The following GRM1 variants were observed in gnomAD, a reference collection of about 807,000 sequenced individuals.
GRM1 encodes the protein metabotropic glutamate receptor 1.
GRM1 carries 33 observed loss-of-function variants against 90.9 expected under a neutral mutation model. The observed-to-expected ratio is 0.36, with a 90% CI of 0.28 to 0.49. The LOEUF is 0.49. GRM1 is among the 20% of genes least tolerant of loss of function. GRM1 has a pLI of 0.99. For synonymous variants in GRM1, 700 were observed against 613.2 expected, an observed-to-expected ratio of 1.14 and a Z score of -2.09; for missense variants, 1,190 against 1,534.3, an observed-to-expected ratio of 0.78 and a Z score of 3.75.
intron 1 of GRM1, among the ~76,000 whole-genome samples, chr6:146,057,390 T>C (rs912442732): frequency 4.6e-5 from 7 of 152,152 alleles, no homozygotes; most frequent in African/African-American, 1.7e-4. Flanking sequence ...AGCACCTCTG[T>C]CTTCACTGAT....
At chr6:146,187,121 G>T (rs917567516) in intron 2 of GRM1, among the ~76,000 whole-genome samples, 1 of 152,088 alleles carries the variant, frequency 6.6e-6, no homozygotes, top group Non-Finnish European at 1.5e-5. Context: ...TTTTAATTTT[G>T]ATAAAAGATT....
At chr6:146,073,520 G>A (rs928000682) in intron 1 of GRM1, among the ~76,000 whole-genome samples, 2 of 151,938 alleles carry the variant, frequency 1.3e-5, no homozygotes, top group Non-Finnish European at 2.9e-5. Flanking sequence ...TATATAAGAA[G>A]ACCAAAGGAC....
chr6:146,133,174 A>C (rs1776474317), intron 1 of GRM1, among the ~76,000 whole-genome samples: 2 of 152,166 alleles, frequency 1.3e-5, no homozygotes, highest in Non-Finnish European at 2.9e-5. Context: ...CATTAATTTA[A>C]AGCTTTTGGA....
In GRM1 at chr6:146,029,779, A is replaced by G; in HGVS notation, c.262A>G (p.Lys88Glu). 2 of 1,614,048 alleles carry G rather than the reference A, an allele frequency of 1.2e-6. No individual in the cohort carries two copies. The highest frequency in any genetic ancestry group is 1.7e-6 in the Non-Finnish European group (2 of 1,179,968). ...RVEAMFHTLD[K>E]INADPVLLPN... ...GGAGGCCATGTTCCACACGTTGGAT[A>G]AGATCAACGCGGACCCGGTCCTCCT... The change falls in exon 1 of 8, where the codon AAG (lysine) becomes GAG (glutamate). Residue 88 changes from lysine to glutamate, a missense_variant. Transcript: ENST00000282753.
chr6:146,408,219 AC>A (rs1044754095), intron 7 of GRM1, among the ~76,000 whole-genome samples: 4 of 152,014 alleles, frequency 2.6e-5, no homozygotes, highest in African/African-American at 7.2e-5. Context: ...TGAGGGCACC[AC>A]CCTCCTGATC....
intron 2 of GRM1, among the ~76,000 whole-genome samples, chr6:146,282,287 C>T (rs934562763): frequency 6.6e-6 from 1 of 152,134 alleles, no homozygotes; most frequent in African/African-American, 2.4e-5. Flanking sequence ...TTGTATCACC[C>T]TTACAATTTA....
chr6:146,064,950 CTGTTT>C (rs1775798922), intron 1 of GRM1, among the ~76,000 whole-genome samples: 1 of 151,818 alleles, frequency 6.6e-6, no homozygotes, highest in Non-Finnish European at 1.5e-5. Context: ...AGTTTGCACA[CTGTTT>C]TACCTTATTG....
intron 2 of GRM1, among the ~76,000 whole-genome samples, chr6:146,280,830 G>A (rs1782540417): frequency 6.6e-6 from 1 of 151,820 alleles, no homozygotes; most frequent in African/African-American, 2.4e-5. Context: ...GTCGGACTAT[G>A]CTGCTGAGGC....
intron 5 of GRM1, among the ~76,000 whole-genome samples, chr6:146,379,043 C>T (rs1776217256): frequency 6.6e-6 from 1 of 152,138 alleles, no homozygotes; most frequent in African/African-American, 2.4e-5. Flanking sequence ...TACCTAGTCT[C>T]AGGTATGTCT....
At chr6:146,045,341 C>T (rs907621518) in intron 1 of GRM1, among the ~76,000 whole-genome samples, 2 of 151,958 alleles carry the variant, frequency 1.3e-5, no homozygotes, top group African/African-American at 4.8e-5. Context: ...TCAATGCCTT[C>T]TCCCGCTAGA....
At chr6:146,332,451 G>T (rs1562616216) in intron 3 of GRM1, among the ~76,000 whole-genome samples, 1 of 152,160 alleles carries the variant, frequency 6.6e-6, no homozygotes, top group Non-Finnish European at 1.5e-5. Context: ...CCTGTAGGTT[G>T]TCTACATCCC....
chr6:146,160,727 C>T (rs1245086912), intron 2 of GRM1, among the ~76,000 whole-genome samples: 2 of 152,204 alleles, frequency 1.3e-5, no homozygotes, highest in East Asian at 1.9e-4. Flanking sequence ...ACTTTGCCAT[C>T]ACCTGAAATT....
chr6:146,192,115 A>G (rs544092044), intron 2 of GRM1, among the ~76,000 whole-genome samples: 3 of 152,202 alleles, frequency 2.0e-5, no homozygotes, highest in African/African-American at 4.8e-5. Context: ...GTCTAAGACA[A>G]TTTCCAAATG....
At chr6:146,143,876 C>G (rs940215718) in intron 1 of GRM1, among the ~76,000 whole-genome samples, 4 of 152,142 alleles carry the variant, frequency 2.6e-5, no homozygotes, top group Non-Finnish European at 5.9e-5. Context: ...CTAGTACAAA[C>G]CCTGTATTTT....
chr6:146,390,184 A>G (rs1776666155), intron 6 of GRM1, among the ~76,000 whole-genome samples: 1 of 152,056 alleles, frequency 6.6e-6, no homozygotes, highest in Admixed American at 6.6e-5. Flanking sequence ...GTTAAAATAT[A>G]CTTAAAATCA....
At chr6:146,118,435 G>C (rs993424944) in intron 1 of GRM1, among the ~76,000 whole-genome samples, 1 of 151,910 alleles carries the variant, frequency 6.6e-6, no homozygotes, top group African/African-American at 2.4e-5. Context: ...CACTGTGCCC[G>C]GCCTATTTAT....
intron 1 of GRM1, among the ~76,000 whole-genome samples, chr6:146,031,916 A>C (rs1034420509): frequency 3.3e-5 from 5 of 152,172 alleles, no homozygotes; most frequent in Non-Finnish European, 5.9e-5. Context: ...CCATTGAGCT[A>C]GATAATTGAT....
chr6:146,219,783 G>A (rs1191197470), intron 2 of GRM1, among the ~76,000 whole-genome samples: 2 of 152,094 alleles, frequency 1.3e-5, no homozygotes, highest in Non-Finnish European at 2.9e-5. Context: ...TTAATGGTAG[G>A]ACAGGGGCTT....
At chr6:146,375,544 T>C (rs1776064812) in intron 5 of GRM1, among the ~76,000 whole-genome samples, 2 of 152,078 alleles carry the variant, frequency 1.3e-5, no homozygotes, top group African/African-American at 4.8e-5. Flanking sequence ...TCTATAGCTC[T>C]AATAATATTT....
Sources: gnomAD v4.1 joint callset for allele counts (sites outside exome capture counted in the v4.1 genomes callset) on GRCh38, gnomAD v4.1.1 for gene constraint, MANE v1.5 for transcripts, NCBI Gene and HGNC (gene_info 2026-07-23, HGNC 2026-07-21) for gene names.